The following ITGA8 variants were observed in gnomAD, a reference collection of about 807,000 sequenced individuals.
ITGA8 encodes integrin subunit alpha 8.
Under a neutral mutation model 142.3 loss-of-function variants are expected in ITGA8, and 91 were observed. That is an observed-to-expected ratio of 0.64 (90% CI 0.54 to 0.76). The LOEUF (loss-of-function observed/expected upper bound fraction) is 0.76. ITGA8 is among the 30% of genes least tolerant of loss of function. The pLI is 0.00. For synonymous variants in ITGA8, 505 were observed against 485.2 expected (o/e 1.04, Z -0.54); for missense variants, 1,406 against 1,327.7 (o/e 1.06, Z -0.92).
chr10:15,625,230 C>A (rs907970633), intron 13 of ITGA8, among the ~76,000 whole-genome samples: 1 of 152,098 alleles, frequency 6.6e-6, no homozygotes, highest in Non-Finnish European at 1.5e-5. Flanking sequence ...GGATTGTTTT[C>A]CTTTTAAAAC....
At chr10:15,528,506 CT>C (rs35960573) in intron 28 of ITGA8, among the ~76,000 whole-genome samples, 8,455 of 127,086 alleles carry the variant, frequency 0.067, 362 homozygotes, top group African/African-American at 0.16. Context: ...GATAAAAAGT[CT>C]TTTTTTTTTT....
At position 15,665,788 on chromosome 10, in the gene ITGA8, G is replaced by T. The variant is rs566465809; in HGVS notation, c.848-4866C>A. Among the ~76,000 whole-genome samples the T allele has an allele frequency of 1.2e-3, 181 of 152,196 alleles. 1 individual carries two copies. The highest frequency in any genetic ancestry group is 2.0e-3 in the Non-Finnish European group (134 of 67,992). ...TTAAATAGGGAATCCTTTCCCCATT[G>T]CTTGTTTTTGTCAGGTTTGTCAAAG... On this transcript the variant is annotated intron_variant, in intron 8 of 29. Transcript: ENST00000378076.
chr10:15,648,543 A>G (rs1834028887), intron 11 of ITGA8, among the ~76,000 whole-genome samples: 2 of 151,264 alleles, frequency 1.3e-5, no homozygotes, highest in African/African-American at 4.8e-5. Context: ...AGATATATCA[A>G]TAACAATAAC....
intron 4 of ITGA8, among the ~76,000 whole-genome samples, chr10:15,680,611 T>C (rs1358764994): frequency 2.6e-5 from 4 of 152,134 alleles, no homozygotes; most frequent in Non-Finnish European, 5.9e-5. Flanking sequence ...TGTGTTTTTA[T>C]ATTTATTTTT....
rs1456284405 is a variant in ITGA8 at position 15,515,584 on chromosome 10, T to C, written c.*1574A>G. On this transcript the variant is annotated 3_prime_UTR_variant, in exon 30 of 30. Coordinates refer to ENST00000378076, the MANE Select transcript of ITGA8 (RefSeq NM_003638.3). ...TAAGGATTTGGGTCAGCTTGTTCTA[T>C]CATACTTAACATTTAGGAAATTAAT... 6.9e-6 allele frequency: 1 copy of C among 145,610 alleles called. No homozygotes were observed. The highest frequency in any genetic ancestry group is 2.5e-5 in the African/African-American group (1 of 40,578). 9.0% of individuals were successfully genotyped at this position (145,610 alleles called of 1,614,324 possible). A position where few individuals can be genotyped will look rare whatever the true frequency, so the allele number is the denominator to read the frequency against.
At chr10:15,640,250 C>T (rs1410362061) in intron 13 of ITGA8, among the ~76,000 whole-genome samples, 3 of 152,212 alleles carry the variant, frequency 2.0e-5, no homozygotes, top group African/African-American at 7.2e-5. Flanking sequence ...ACCTGGGTGT[C>T]AGGTCTTCCT....
chr10:15,538,399 C>G (rs1833495181), intron 27 of ITGA8, among the ~76,000 whole-genome samples: 1 of 150,580 alleles, frequency 6.6e-6, no homozygotes, highest in African/African-American at 2.4e-5. Context: ...GTAATCCCAG[C>G]TACTTGGGAG....
At chr10:15,566,426 C>T (rs1193253435) in intron 25 of ITGA8, among the ~76,000 whole-genome samples, 3 of 152,160 alleles carry the variant, frequency 2.0e-5, no homozygotes, top group African/African-American at 7.2e-5. Context: ...GGCATCTTAT[C>T]GGTCTTCCTC....
Position 15,606,513 on chromosome 10 carries a change from C to A in ITGA8, c.1765-91G>T, listed in dbSNP as rs190366692. 8.9e-6 allele frequency: 11 copies of A among 1,236,686 alleles called. No homozygotes were observed. The African/African-American group carries it at 1.3e-4, about 15-fold the overall frequency. The allele number at this position is 1,236,686 out of a possible 1,614,324, so 76.6% of individuals were successfully genotyped here. The stretch of plus-strand genomic sequence containing the variant: ...AAGTCAGGCAACACTGGAATTTACT[C>A]AATGAAAGTGAATGATGAAACAATT... On this transcript the variant is annotated intron_variant, in intron 17 of 29. Coordinates refer to ENST00000378076, the MANE Select transcript of ITGA8 (RefSeq NM_003638.3).
rs187400556 is a variant in ITGA8, at chr10:15,695,388, C to T, written c.344-7350G>A. Among the ~76,000 whole-genome samples, 23 of 152,308 alleles carry T rather than the reference C, an allele frequency of 1.5e-4. 1 individual carries two copies. Among genetic ancestry groups the T allele is most frequent in the Admixed American group, 1.2e-3 (19 of 15,296 alleles). The stretch of plus-strand genomic sequence containing the variant: ...ATAAATTATCTGACTTTGAACCTAA[C>T]ATTGTAATTGAATAAAATTTCAAAT... On this transcript the variant is annotated intron_variant, in intron 2 of 29. Transcript: ENST00000378076.
At chr10:15,701,508 A>T (rs1013467833) in intron 2 of ITGA8, among the ~76,000 whole-genome samples, 1 of 151,970 alleles carries the variant, frequency 6.6e-6, no homozygotes, top group Non-Finnish European at 1.5e-5. Context: ...CTTCATGGGA[A>T]TATGCATTTC....
chr10:15,605,611 C>T (rs905473141), intron 19 of ITGA8, 113 bp downstream of exon 19: 91 of 846,432 alleles, frequency 1.1e-4, no homozygotes, highest in Non-Finnish European at 1.2e-4. Flanking sequence ...AAGAATTTCA[C>T]GCAGCATAGT....
intron 2 of ITGA8, among the ~76,000 whole-genome samples, chr10:15,698,999 C>T (rs1377190105): frequency 1.3e-5 from 2 of 152,132 alleles, no homozygotes; most frequent in Non-Finnish European, 2.9e-5. Context: ...GAAAACATGG[C>T]ATTTGGCTAG....
chr10:15,611,613 T>C (rs1339295054), intron 15 of ITGA8: 1 of 151,026 alleles, frequency 6.6e-6, no homozygotes, highest in East Asian at 2.0e-4. Flanking sequence ...TGCCTCAGCC[T>C]CCTGAGTAGC....
At chr10:15,638,905 T>A (rs911130762) in intron 13 of ITGA8, among the ~76,000 whole-genome samples, 1 of 151,932 alleles carries the variant, frequency 6.6e-6, no homozygotes, top group African/African-American at 2.4e-5. Flanking sequence ...GGCGGGAGGA[T>A]CGCTTGAGGC....
At chr10:15,552,853 C>G (rs1833815547) in intron 26 of ITGA8, among the ~76,000 whole-genome samples, 1 of 151,586 alleles carries the variant, frequency 6.6e-6, no homozygotes, top group African/African-American at 2.4e-5. Context: ...TATTGTACAC[C>G]ATGGAAGCTT....
intron 13 of ITGA8, among the ~76,000 whole-genome samples, chr10:15,624,659 A>AACTGCCCATC (rs1833549681): frequency 6.6e-6 from 1 of 152,172 alleles, no homozygotes; most frequent in Non-Finnish European, 1.5e-5. Flanking sequence ...CTCCTCCAGG[A>AACTGCCCATC]ACTGCCCATC....
At chr10:15,686,757 C>T (rs947117188) in intron 3 of ITGA8, among the ~76,000 whole-genome samples, 2 of 152,096 alleles carry the variant, frequency 1.3e-5, no homozygotes, top group Non-Finnish European at 2.9e-5. Flanking sequence ...ATCCTATTTC[C>T]CATCACGTAT....
chr10:15,687,937 C>A lies in ITGA8; in HGVS notation c.444+1G>T. 6.3e-7 allele frequency: 1 copy of A among 1,595,566 alleles called. No homozygotes were observed. Among genetic ancestry groups the A allele is most frequent in the Non-Finnish European group, 8.6e-7 (1 of 1,163,096 alleles). On this transcript the variant is annotated splice_donor_variant, in intron 3 of 29. Transcript: ENST00000378076. LOFTEE classifies it high-confidence loss of function. ...AGCACAAGCCCACGGCTCATACTCA[C>A]CACAACTTTTCCTTTGTGAGCTTTC...
Sources: gnomAD v4.1 joint callset for allele counts (sites outside exome capture counted in the v4.1 genomes callset) on GRCh38, gnomAD v4.1.1 for gene constraint, MANE v1.5 for transcripts, NCBI Gene and HGNC (gene_info 2026-07-23, HGNC 2026-07-21) for gene names.